The following KCNQ5 variants were observed in gnomAD, a reference collection of about 807,000 sequenced individuals.
The protein encoded by KCNQ5 is potassium voltage-gated channel subfamily Q member 5.
KCNQ5 carries 30 observed loss-of-function variants against 98.2 expected under a neutral mutation model. The ratio of observed to expected loss-of-function variants is 0.31; its 90% CI spans 0.23 to 0.41. KCNQ5 has a LOEUF of 0.41. KCNQ5 is among the 10% of genes least tolerant of loss of function. The pLI, the probability that KCNQ5 is intolerant of heterozygous loss-of-function variation, is 1.00. For synonymous variants in KCNQ5, 458 were observed against 449.4 expected (o/e 1.02, Z -0.24); for missense variants, 835 against 1,182.5 (o/e 0.71, Z 4.31).
At chr6:72,624,371 G>A (rs894338079) in intron 1 of KCNQ5, among the ~76,000 whole-genome samples, 1 of 152,132 alleles carries the variant, frequency 6.6e-6, no homozygotes, top group African/African-American at 2.4e-5. Flanking sequence ...CTTTACAACA[G>A]TATGCTCAAA....
chr6:72,863,271 T>C (rs1320281509), intron 1 of KCNQ5, among the ~76,000 whole-genome samples: 1 of 152,214 alleles, frequency 6.6e-6, no homozygotes, highest in Non-Finnish European at 1.5e-5. Context: ...GACCCTTACA[T>C]GTTAATCCTT....
chr6:72,795,308 G>C (rs1031917593), intron 1 of KCNQ5, among the ~76,000 whole-genome samples: 1 of 152,098 alleles, frequency 6.6e-6, no homozygotes, highest in Admixed American at 6.6e-5. Context: ...AGCCCCATCA[G>C]AACCTGAACC....
intron 1 of KCNQ5, among the ~76,000 whole-genome samples, chr6:72,960,940 T>A (rs1767313814): frequency 6.6e-6 from 1 of 152,094 alleles, no homozygotes; most frequent in South Asian, 2.1e-4. Flanking sequence ...ATCACATCAA[T>A]ACACTCCAGC....
intron 1 of KCNQ5, among the ~76,000 whole-genome samples, chr6:72,689,128 G>C (rs1362552489): frequency 1.3e-5 from 2 of 152,172 alleles, no homozygotes; most frequent in Non-Finnish European, 2.9e-5. Flanking sequence ...TAAAGTAAAT[G>C]AACTTACCAG....
chr6:72,875,277 G>A (rs917634235), intron 1 of KCNQ5, among the ~76,000 whole-genome samples: 1 of 152,088 alleles, frequency 6.6e-6, no homozygotes, highest in African/African-American at 2.4e-5. Flanking sequence ...CCTCTATAGC[G>A]ATCAATTTAA....
intron 1 of KCNQ5, among the ~76,000 whole-genome samples, chr6:72,715,397 T>C (rs1769597371): frequency 6.6e-6 from 1 of 152,198 alleles, no homozygotes; most frequent in Non-Finnish European, 1.5e-5. Flanking sequence ...CTTGCAAACT[T>C]TGGCTGCTAG....
intron 1 of KCNQ5, among the ~76,000 whole-genome samples, chr6:72,867,785 AT>A (rs899341283): frequency 6.6e-6 from 1 of 151,630 alleles, no homozygotes; most frequent in Admixed American, 6.6e-5. Flanking sequence ...AAAAAAAAAA[AT>A]TAACCAAGTA....
chr6:73,052,673 T>C (rs767458065), intron 3 of KCNQ5, among the ~76,000 whole-genome samples: 93 of 152,236 alleles, frequency 6.1e-4, no homozygotes, highest in Non-Finnish European at 1.0e-3. Context: ...AAGATTCTTT[T>C]CAGGCGAGCA....
intron 1 of KCNQ5, among the ~76,000 whole-genome samples, chr6:72,810,822 A>G (rs1412266496): frequency 6.6e-6 from 1 of 152,214 alleles, no homozygotes. Flanking sequence ...TTTCATTCTG[A>G]CATAAAGAAT....
chr6:73,100,042 T>A lies in KCNQ5; in HGVS notation c.919-5215T>A, dbSNP rs183250669. Among the ~76,000 whole-genome samples the A allele has an allele frequency of 8.6e-3, 1,312 of 152,178 alleles. 27 individuals carry two copies. Among genetic ancestry groups the A allele is most frequent in the African/African-American group, 0.03 (1,264 of 41,514 alleles). ...ACTAAAAATCAGTAACAAGAGAAAATTTGGAAACTATACAAACACATGTAA... is the reference window on the plus strand; with the variant it reads ...ACTAAAAATCAGTAACAAGAGAAAAATTGGAAACTATACAAACACATGTAA... On this transcript the variant is annotated intron_variant, in intron 5 of 13. Coordinates refer to ENST00000370398, the MANE Select transcript of KCNQ5 (RefSeq NM_019842.4).
intron 5 of KCNQ5, among the ~76,000 whole-genome samples, chr6:73,096,939 A>G (rs1013813244): frequency 3.3e-5 from 5 of 152,136 alleles, no homozygotes; most frequent in African/African-American, 1.2e-4. Flanking sequence ...GCTACTCAAG[A>G]GGCTGAAACA....
chr6:73,195,528 A>G lies in KCNQ5; in HGVS notation c.*114A>G. The G allele has an allele frequency of 7.4e-7, 1 of 1,346,574 alleles. No homozygotes were observed. Among genetic ancestry groups the G allele is most frequent in the Non-Finnish European group, 1.0e-6 (1 of 991,356 alleles). 83.4% of individuals were successfully genotyped at this position (1,346,574 alleles called of 1,614,324 possible). A position where few individuals can be genotyped will look rare whatever the true frequency, so the allele number is the denominator to read the frequency against. ...ATTGCAAGAATCGGGAAGAACATGA[A>G]AGGCAGTTTATAAGCCCGTTACCTT... On this transcript the variant is annotated 3_prime_UTR_variant, in exon 14 of 14. Transcript: ENST00000370398.
At chr6:72,739,078 C>T (rs1770996689) in intron 1 of KCNQ5, among the ~76,000 whole-genome samples, 1 of 152,022 alleles carries the variant, frequency 6.6e-6, no homozygotes, top group Admixed American at 6.6e-5. Flanking sequence ...AGTGTAGGTT[C>T]GTTGATTGTA....
At chr6:73,088,009 T>TTC (rs1172873078) in intron 5 of KCNQ5, among the ~76,000 whole-genome samples, 29 of 122,776 alleles carry the variant, frequency 2.4e-4, no homozygotes, top group Admixed American at 4.9e-4. Context: ...TGTTTTCTTT[T>TTC]TCTCTCTCTC....
rs150357688 is a variant in KCNQ5 at position 72,862,139 on chromosome 6, T to C, written c.399-141769T>C. Reference sequence around the variant, plus strand: ...TCCTTCTGCCCCAATTCCAAATTCCTTGGAGAGGGACCTGTCTGTCTAGCA... The same window carrying C: ...TCCTTCTGCCCCAATTCCAAATTCCCTGGAGAGGGACCTGTCTGTCTAGCA... On this transcript the variant is annotated intron_variant, in intron 1 of 13. Coordinates refer to ENST00000370398, the MANE Select transcript of KCNQ5 (RefSeq NM_019842.4). 6.6e-4 allele frequency among the ~76,000 whole-genome samples: 101 copies of C among 152,258 alleles called. 1 individual carries two copies. The highest frequency in any genetic ancestry group is 9.3e-4 in the Non-Finnish European group (63 of 68,014).
intron 1 of KCNQ5, among the ~76,000 whole-genome samples, chr6:72,691,088 C>T (rs559265059): frequency 3.3e-5 from 5 of 152,042 alleles, no homozygotes; most frequent in Admixed American, 2.0e-4. Context: ...AACTTGAACT[C>T]AAAAATCAGT....
chr6:73,174,970 G>C (rs189077782), intron 11 of KCNQ5, among the ~76,000 whole-genome samples: 1 of 152,132 alleles, frequency 6.6e-6, no homozygotes, highest in Middle Eastern at 3.4e-3. Context: ...AGCTCCACCC[G>C]CTTCCATGAT....
chr6:73,022,959 A>G (rs1770671554), intron 2 of KCNQ5, among the ~76,000 whole-genome samples: 1 of 152,216 alleles, frequency 6.6e-6, no homozygotes, highest in African/African-American at 2.4e-5. Context: ...GTGATTGGAA[A>G]TGGAAAGGAG....
At position 72,711,919 on chromosome 6, in the gene KCNQ5, A is replaced by T. The variant is rs574933469; in HGVS notation, c.398+89332A>T. 2.6e-5 allele frequency among the ~76,000 whole-genome samples: 4 copies of T among 152,330 alleles called. No homozygotes were observed. The South Asian group carries it at 8.3e-4, about 32-fold the overall frequency. On this transcript the variant is annotated intron_variant, in intron 1 of 13. Coordinates refer to ENST00000370398, the MANE Select transcript of KCNQ5 (RefSeq NM_019842.4). ...GCTGAATTTGAGATGCTTCTGAAAC[A>T]TCCAAGTGGAGAATCAGTCAGTGAA...
Sources: allele counts gnomAD v4.1 joint callset (sites outside exome capture counted in the v4.1 genomes callset), GRCh38; gene constraint gnomAD v4.1.1; transcripts MANE v1.5; gene names NCBI Gene and HGNC (gene_info 2026-07-23, HGNC 2026-07-21).